Variants in LNX2 observed in about 807,000 individuals in gnomAD.
LNX2 encodes the protein ligand of numb-protein X 2.
Under a neutral mutation model 66.2 loss-of-function variants are expected in LNX2, and 35 were observed. The ratio of observed to expected loss-of-function variants is 0.53; its 90% CI spans 0.40 to 0.70. The LOEUF is 0.70. Ranked by LOEUF, LNX2 falls within the 30% of genes least tolerant of loss-of-function variation. LNX2 has a pLI of 0.00. For missense variants in LNX2, 791 were observed against 850.8 expected, an observed-to-expected ratio of 0.93 and a Z score of 0.87; for synonymous variants, 337 against 315.6, an observed-to-expected ratio of 1.07 and a Z score of -0.72.
At chr13:27,555,231 G>A (rs1955043647) in intron 7 of LNX2, among the ~76,000 whole-genome samples, 1 of 152,192 alleles carries the variant, frequency 6.6e-6, no homozygotes, top group Non-Finnish European at 1.5e-5. Context: ...TTACAGGCGT[G>A]AGCCACCACA....
intron 7 of LNX2, among the ~76,000 whole-genome samples, chr13:27,555,506 A>G (rs1218686548): frequency 6.6e-6 from 1 of 152,000 alleles, no homozygotes; most frequent in Admixed American, 6.5e-5. Flanking sequence ...GTCTGTCTAT[A>G]TTTTCTTCTG....
intron 1 of LNX2, among the ~76,000 whole-genome samples, chr13:27,612,439 T>C (rs1459736802): frequency 2.0e-5 from 3 of 152,178 alleles, no homozygotes; most frequent in Admixed American, 2.0e-4. Flanking sequence ...CTTCAGGAAG[T>C]CTTCAGTGAT....
At chr13:27,588,628 G>A (rs1010714191) in intron 1 of LNX2, among the ~76,000 whole-genome samples, 11 of 152,228 alleles carry the variant, frequency 7.2e-5, no homozygotes, top group African/African-American at 2.6e-4. Flanking sequence ...TACTATTGGG[G>A]GGAACTGGAT....
chr13:27,600,304 C>T (rs908809611), intron 1 of LNX2, among the ~76,000 whole-genome samples: 5 of 152,096 alleles, frequency 3.3e-5, no homozygotes, highest in African/African-American at 7.2e-5. Context: ...TGGGACTAGC[C>T]ACATTTCAAA....
At chr13:27,613,651 C>T (rs899791498) in intron 1 of LNX2, among the ~76,000 whole-genome samples, 1 of 152,024 alleles carries the variant, frequency 6.6e-6, no homozygotes, top group African/African-American at 2.4e-5. Context: ...GCTTGTAATC[C>T]CAGCTATTGG....
At chr13:27,552,180 G>C (rs934914378) in intron 8 of LNX2, among the ~76,000 whole-genome samples, 3 of 152,176 alleles carry the variant, frequency 2.0e-5, no homozygotes, top group African/African-American at 7.2e-5. Context: ...CTCCAAACTA[G>C]ACTGGTATAT....
chr13:27,595,545 G>A (rs1955588519), intron 1 of LNX2, among the ~76,000 whole-genome samples: 1 of 152,022 alleles, frequency 6.6e-6, no homozygotes, highest in Non-Finnish European at 1.5e-5. Context: ...TTATTCCCAC[G>A]ACCTCTGCTC....
chr13:27,552,667 C>T (rs982802683), intron 8 of LNX2, among the ~76,000 whole-genome samples: 6 of 152,204 alleles, frequency 3.9e-5, no homozygotes, highest in African/African-American at 1.4e-4. Context: ...ACTGACCAAC[C>T]ACAGCATATC....
intron 4 of LNX2, among the ~76,000 whole-genome samples, chr13:27,565,375 G>T (rs1018827946): frequency 6.6e-6 from 1 of 152,336 alleles, no homozygotes; most frequent in African/African-American, 2.4e-5. Flanking sequence ...AAAAAGCCCA[G>T]AAGTGGGAGA....
chr13:27,592,846 A>C (rs770876649), intron 1 of LNX2, among the ~76,000 whole-genome samples: 25 of 152,224 alleles, frequency 1.6e-4, no homozygotes, highest in Non-Finnish European at 3.2e-4. Flanking sequence ...CCTGTAAGCA[A>C]GTAAAATAAG....
intron 1 of LNX2, among the ~76,000 whole-genome samples, chr13:27,589,415 T>C (rs570844444): frequency 6.6e-6 from 1 of 152,240 alleles, no homozygotes; most frequent in Non-Finnish European, 1.5e-5. Flanking sequence ...AACACGATTC[T>C]GTATCTGTTT....
In LNX2 at chr13:27,562,616, C is replaced by A; in HGVS notation, c.1021G>T (p.Ala341Ser). The change falls in exon 5 of 10, where the codon GCT becomes TCT. Residue 341 changes from alanine to serine, a missense_variant. By Grantham distance (99) the Ala-to-Ser change is moderately conservative. Transcript: ENST00000316334. ...TCACCAGAGTCCCGTTTATGAAGAG[C>A]CACTTGGAAAATCTCTTCTCGTGGA... is the stretch of plus-strand genomic sequence containing the variant. ...NSPREEIFQV[A>S]LHKRDSGEQL... 1 of 1,614,136 alleles carries A rather than the reference C, an allele frequency of 6.2e-7. No individual in the cohort carries two copies. The highest frequency in any genetic ancestry group is 8.5e-7 in the Non-Finnish European group (1 of 1,180,026).
chr13:27,559,392 G>C (rs1955101028), intron 6 of LNX2, among the ~76,000 whole-genome samples: 1 of 152,110 alleles, frequency 6.6e-6, no homozygotes, highest in Non-Finnish European at 1.5e-5. Flanking sequence ...TGATTCATAT[G>C]TTTAATCTTC....
chr13:27,556,455 TATAGTTGAAGTAAAGTTATTAC>T, intron 6 of LNX2, 42 bp from the exon 7 acceptor site: 1 of 1,543,998 alleles, frequency 6.5e-7, no homozygotes, highest in Non-Finnish European at 8.9e-7. Context: ...ATGAATAAAA[TATAGTTGAAGTAAAGTTATTAC>T]TTCAAACTAA....
At chr13:27,612,940 T>C (rs1955787616) in intron 1 of LNX2, among the ~76,000 whole-genome samples, 5 of 152,182 alleles carry the variant, frequency 3.3e-5, no homozygotes, top group Admixed American at 3.3e-4. Context: ...CTCTAGATTG[T>C]AAACTCCATG....
At chr13:27,549,645 C>G (rs1195369275) in intron 9 of LNX2, among the ~76,000 whole-genome samples, 1 of 152,184 alleles carries the variant, frequency 6.6e-6, no homozygotes, top group Non-Finnish European at 1.5e-5. Flanking sequence ...AAACTTACCT[C>G]ATAGGATTGT....
chr13:27,567,163 T>C (rs1486260688), intron 4 of LNX2, among the ~76,000 whole-genome samples: 1 of 152,098 alleles, frequency 6.6e-6, no homozygotes, highest in African/African-American at 2.4e-5. Flanking sequence ...CTCTATCTTA[T>C]AATCTGTGGT....
chr13:27,583,229 TGTGTGTGTGTG>T (rs1566124778), intron 1 of LNX2, among the ~76,000 whole-genome samples: 12 of 19,632 alleles, frequency 6.1e-4, no homozygotes, highest in Non-Finnish European at 9.2e-4. Flanking sequence ...TGTGTGTGTG[TGTGTGTGTGTG>T]TGTGTGTGTG....
At chr13:27,584,415 A>C (rs921788530) in intron 1 of LNX2, among the ~76,000 whole-genome samples, 2 of 149,566 alleles carry the variant, frequency 1.3e-5, no homozygotes, top group African/African-American at 4.9e-5. Context: ...ATAGCTGAGC[A>C]TGGTGGCATG....
Sources: allele counts gnomAD v4.1 joint callset (sites outside exome capture counted in the v4.1 genomes callset), GRCh38; gene constraint gnomAD v4.1.1; transcripts MANE v1.5; gene names NCBI Gene and HGNC (gene_info 2026-07-23, HGNC 2026-07-21).